The following NUP210L variants were observed in gnomAD, a reference collection of about 807,000 sequenced individuals.
NUP210L encodes the protein nuclear pore membrane glycoprotein 210-like.
NUP210L carries 74 observed loss-of-function variants against 208.5 expected under a neutral mutation model. The observed-to-expected ratio is 0.35, with a 90% CI of 0.29 to 0.43. The LOEUF (loss-of-function observed/expected upper bound fraction) is 0.43, where lower values mean the gene tolerates loss of function less well. Among genes scored for constraint, NUP210L ranks in the 20% least tolerant of loss-of-function variants. The pLI is 1.00. For missense variants in NUP210L, 1,843 were observed against 2,289.4 expected, an observed-to-expected ratio of 0.81 and a Z score of 3.98; for synonymous variants, 780 against 816.9, an observed-to-expected ratio of 0.95 and a Z score of 0.77.
chr1:154,116,323 C>A (rs890339950), intron 12 of NUP210L, among the ~76,000 whole-genome samples: 19 of 150,214 alleles, frequency 1.3e-4, no homozygotes, highest in Non-Finnish European at 2.2e-4. Flanking sequence ...ACTCAGGAGG[C>A]TGAGGCAGGA....
intron 2 of NUP210L, among the ~76,000 whole-genome samples, chr1:154,145,233 C>G (rs980107740): frequency 4.0e-5 from 6 of 150,776 alleles, no homozygotes; most frequent in African/African-American, 1.2e-4. Context: ...GTCTGGCCAA[C>G]ATGATGAAAC....
chr1:154,077,655 C>T (rs557492733), intron 16 of NUP210L, among the ~76,000 whole-genome samples: 92 of 152,182 alleles, frequency 6.0e-4, no homozygotes, highest in Admixed American at 8.5e-4. Context: ...AATGTATTTT[C>T]GGTTGTAATT....
rs138267328 is a variant in NUP210L at position 154,108,827 on chromosome 1, A to T, written c.1621-4617T>A. Among the ~76,000 whole-genome samples, 307 of 151,932 alleles carry T rather than the reference A, an allele frequency of 2.0e-3. 18 individuals carry two copies. The highest frequency in any genetic ancestry group is 7.1e-3 in the African/African-American group (291 of 41,196). The stretch of plus-strand genomic sequence containing the variant: ...TAGATTTTTTTAAAAAAGGCTGAGC[A>T]CAGTGGCTCACGCCTATAATCCCAG... On this transcript the variant is annotated intron_variant, in intron 12 of 39. Transcript: ENST00000368559.
intron 34 of NUP210L, among the ~76,000 whole-genome samples, chr1:154,011,222 G>T (rs962365554): frequency 6.7e-6 from 1 of 149,736 alleles, no homozygotes; most frequent in African/African-American, 2.5e-5. Flanking sequence ...ACGGTGGCTA[G>T]ATTTTTTTTT....
At chr1:154,099,420 C>T (rs952721329) in intron 14 of NUP210L, among the ~76,000 whole-genome samples, 1 of 152,202 alleles carries the variant, frequency 6.6e-6, no homozygotes, top group Non-Finnish European at 1.5e-5. Context: ...CCTGCTGCAG[C>T]TGGCGTGATG....
intron 28 of NUP210L, among the ~76,000 whole-genome samples, chr1:154,028,671 C>G (rs1390252509): frequency 1.3e-5 from 2 of 152,084 alleles, no homozygotes; most frequent in Admixed American, 6.5e-5. Context: ...GAATCCCTCT[C>G]TAGTTACTAT....
At chr1:154,075,431 A>C (rs1654981316) in intron 16 of NUP210L, among the ~76,000 whole-genome samples, 1 of 152,036 alleles carries the variant, frequency 6.6e-6, no homozygotes, top group South Asian at 2.1e-4. Flanking sequence ...TCTCAATTAA[A>C]ATACCAGGAA....
At chr1:154,072,320 G>A (rs1165536628) in intron 16 of NUP210L, among the ~76,000 whole-genome samples, 2 of 143,620 alleles carry the variant, frequency 1.4e-5, no homozygotes, top group Non-Finnish European at 3.0e-5. Context: ...TTTAATTATG[G>A]CCATTCCTTT....
At chr1:154,010,930 T>C (rs1209886590) in intron 34 of NUP210L, among the ~76,000 whole-genome samples, 1 of 152,014 alleles carries the variant, frequency 6.6e-6, no homozygotes, top group East Asian at 1.9e-4. Context: ...GGAGGTAGCT[T>C]TTAGGTCTAA....
At position 154,046,179 on chromosome 1, in the gene NUP210L, C is replaced by T. The variant is rs183446732; in HGVS notation, c.3586G>A (p.Val1196Ile). The T allele has an allele frequency of 4.2e-3, 6,713 of 1,614,068 alleles. 19 individuals are homozygous for T. Among genetic ancestry groups the T allele is most frequent in the Admixed American group, 5.1e-3 (305 of 59,998 alleles). Residue 1196 changes from valine (V) to isoleucine (I), a missense_variant, in exon 27 of 40, where the codon GTA (valine) becomes ATA (isoleucine). Transcript: ENST00000368559. ...GAGAAAGGGGTCTGGGTACTGGTTA[C>T]TCCCATGACATAAACTGGCATCTGA...
intron 33 of NUP210L, among the ~76,000 whole-genome samples, chr1:154,015,953 TAA>T (rs869225537): frequency 7.3e-6 from 1 of 136,794 alleles, no homozygotes; most frequent in East Asian, 2.1e-4. Context: ...AATAAATAAA[TAA>T]AAATAAAAAA....
chr1:154,058,560 C>A lies in NUP210L; in HGVS notation c.2979+5G>T. 6.2e-7 allele frequency: 1 copy of A among 1,610,184 alleles called. No individual in the cohort carries two copies. Among genetic ancestry groups the A allele is most frequent in the South Asian group, 1.1e-5 (1 of 90,232 alleles). ...AATTTCTGAGATAAAACAAACATGT[C>A]TCACCTTATCAATCAGATCAAGCTC... On this transcript the variant is annotated splice_donor_5th_base_variant and intron_variant, in intron 21 of 39. Coordinates refer to ENST00000368559, the Ensembl canonical transcript of NUP210L.
At chr1:154,086,516 A>G (rs1443506595) in intron 16 of NUP210L, among the ~76,000 whole-genome samples, 1 of 152,166 alleles carries the variant, frequency 6.6e-6, no homozygotes, top group Non-Finnish European at 1.5e-5. Context: ...AAAAGATGTC[A>G]TTAGAAAAGT....
intron 13 of NUP210L, among the ~76,000 whole-genome samples, chr1:154,100,401 T>C (rs1006996775): frequency 4.1e-5 from 6 of 147,280 alleles, no homozygotes; most frequent in African/African-American, 1.5e-4. Context: ...CAGTGAGTCA[T>C]GATTGCACCA....
chr1:154,124,860 G>A (rs1657803063), intron 10 of NUP210L, among the ~76,000 whole-genome samples: 1 of 152,196 alleles, frequency 6.6e-6, no homozygotes, highest in Non-Finnish European at 1.5e-5. Flanking sequence ...GCTAAGGCAG[G>A]AGGATCACTT....
intron 20 of NUP210L, 64 bp downstream of exon 20, chr1:154,060,476 T>C (rs1654076742): frequency 1.0e-6 from 1 of 997,674 alleles, no homozygotes; most frequent in Non-Finnish European, 1.5e-6. Context: ...ATGGAATTTT[T>C]CCAATCTCCT....
intron 37 of NUP210L, chr1:153,995,727 C>G: frequency 1.2e-6 from 1 of 859,672 alleles, no homozygotes; most frequent in African/African-American, 1.7e-5. Context: ...GAATTGTTTA[C>G]CTTTATACCA....
chr1:154,095,223 ACTAGTTAT>A, intron 14 of NUP210L, 67 bp from the exon 15 acceptor site: 1 of 1,169,136 alleles, frequency 8.6e-7, no homozygotes, highest in Non-Finnish European at 1.3e-6. Context: ...AAAGTGAAAC[ACTAGTTAT>A]CTGAATATGC....
At chr1:154,023,085 T>C (rs1316070210) in intron 31 of NUP210L, 37 bp downstream of exon 31, 6 of 1,567,668 alleles carry the variant, frequency 3.8e-6, no homozygotes, top group Non-Finnish European at 5.2e-6. Flanking sequence ...GCAAGATTTC[T>C]ACCATAGTGT....
Sources: gnomAD v4.1 joint callset for allele counts (sites outside exome capture counted in the v4.1 genomes callset) on GRCh38, gnomAD v4.1.1 for gene constraint, MANE v1.5 for transcripts, NCBI Gene and HGNC (gene_info 2026-07-23, HGNC 2026-07-21) for gene names.